The following SLC7A6 variants were observed in gnomAD, a reference collection of about 807,000 sequenced individuals.
SLC7A6 encodes Y+L amino acid transporter 2.
Under a neutral mutation model 46.6 loss-of-function variants are expected in SLC7A6, and 29 were observed. The observed-to-expected ratio is 0.62, with a 90% CI of 0.46 to 0.85. The LOEUF (loss-of-function observed/expected upper bound fraction) is 0.85, where lower values mean the gene tolerates loss of function less well. SLC7A6 is among the 40% of genes least tolerant of loss of function. The pLI is 0.00. For synonymous variants in SLC7A6, 276 were observed against 257.3 expected (o/e 1.07, Z -0.70); for missense variants, 527 against 647.6 (o/e 0.81, Z 2.02).
In SLC7A6 at chr16:68,297,512, C is replaced by A; in HGVS notation, c.*184C>A. ...GGAGACTCAGGATCTGGGCCAACCT[C>A]AAGGTGGGGGCTTCAGAGGGTGGGG... is the stretch of plus-strand genomic sequence containing the variant. On this transcript the variant is annotated 3_prime_UTR_variant, in exon 11 of 11. Coordinates refer to ENST00000219343, the MANE Select transcript of SLC7A6 (RefSeq NM_003983.6). 12 of 374,878 alleles carry A rather than the reference C, an allele frequency of 3.2e-5. No individual in the cohort carries two copies. The highest frequency in any genetic ancestry group is 8.4e-5 in the South Asian group (1 of 11,902). 23.2% of individuals were successfully genotyped at this position (374,878 alleles called of 1,614,324 possible).
intron 1 of SLC7A6, among the ~76,000 whole-genome samples, chr16:68,265,309 T>C (rs921581859): frequency 2.0e-5 from 3 of 152,178 alleles, no homozygotes; most frequent in African/African-American, 7.2e-5. Flanking sequence ...TGTGGGGAGA[T>C]AGACGTGAAA....
At position 68,291,845 on chromosome 16, in the gene SLC7A6, G is replaced by A. The variant is rs2043060755; in HGVS notation, c.1022+184G>A. ...TTGCCTTTGTGCAAGTAGCACATTT[G>A]TATGCTGGTAGCTCATGTTTCCATC... On this transcript the variant is annotated intron_variant, in intron 7 of 10. Transcript: ENST00000219343. 7 of 567,018 alleles carry A rather than the reference G, an allele frequency of 1.2e-5. No homozygotes were observed. The East Asian group carries it at 2.1e-4, about 17-fold the overall frequency. 35.1% of individuals were successfully genotyped at this position (567,018 alleles called of 1,614,324 possible).
Position 68,290,390 on chromosome 16 carries a change from C to G in SLC7A6, c.650-6C>G. 2 of 1,613,960 alleles carry G rather than the reference C, an allele frequency of 1.2e-6. No homozygotes were observed. Among genetic ancestry groups the G allele is most frequent in the Non-Finnish European group, 1.7e-6 (2 of 1,180,004 alleles). On this transcript the variant is annotated splice_region_variant and splice_polypyrimidine_tract_variant and intron_variant, in intron 4 of 10. Transcript: ENST00000219343. Reference sequence around the variant, plus strand: ...CTGAACCCCTCACCTGCCTTTGCCCCCACAGGACACTCTGAGCACTTTCAG... The same window carrying G: ...CTGAACCCCTCACCTGCCTTTGCCCGCACAGGACACTCTGAGCACTTTCAG...
chr16:68,276,602 T>C (rs917229436), intron 3 of SLC7A6, among the ~76,000 whole-genome samples: 2 of 152,160 alleles, frequency 1.3e-5, no homozygotes, highest in African/African-American at 4.8e-5. Flanking sequence ...CCCTTAGGAT[T>C]AGGGAAGGCG....
chr16:68,292,281 G>C (rs1597005110), intron 7 of SLC7A6: 1 of 152,256 alleles, frequency 6.6e-6, no homozygotes, highest in South Asian at 2.1e-4. Flanking sequence ...AAGCGTGCTG[G>C]TCCTTCCTGT....
At position 68,290,499 on chromosome 16, in the gene SLC7A6, C is replaced by T. The variant is rs2151228550; in HGVS notation, c.753C>T (p.Asp251=). 1 of 1,614,182 alleles carries T rather than the reference C, an allele frequency of 6.2e-7. No individual in the cohort carries two copies. Among genetic ancestry groups the T allele is most frequent in the Non-Finnish European group, 8.5e-7 (1 of 1,180,042 alleles). The change falls in exon 5 of 11, where the codon GAC becomes GAT. Residue 251 remains aspartate (D), a synonymous_variant. Transcript: ENST00000219343. ...CCCTCTTCTCTTACTCAGGTTGGGA[C>T]ACCCTTAATTTTGTAACAGAAGAAA... is the stretch of plus-strand genomic sequence containing the variant. ...YSALFSYSGW[D]TLNFVTEEIK... is the part of the protein sequence containing the mutation.
At chr16:68,294,572 G>T in intron 7 of SLC7A6, 133 bp from the exon 8 acceptor site, 2 of 697,856 alleles carry the variant, frequency 2.9e-6, no homozygotes. Context: ...ATGCACTAAG[G>T]ACCTGGGATG....
chr16:68,265,691 T>C (rs1216414536), intron 1 of SLC7A6: 3 of 152,224 alleles, frequency 2.0e-5, no homozygotes, highest in Admixed American at 2.0e-4. Context: ...GTCCCATGTG[T>C]GCTGCGCAGA....
chr16:68,296,841 G>A, intron 10 of SLC7A6, 31 bp downstream of exon 10: 1 of 1,611,166 alleles, frequency 6.2e-7, no homozygotes, highest in Non-Finnish European at 8.5e-7. Flanking sequence ...TTACTCACTG[G>A]CGGCTATGTG....
At position 68,300,668 on chromosome 16, in the gene SLC7A6, T is replaced by A. The variant is rs1388355249; in HGVS notation, c.*3340T>A. The stretch of plus-strand genomic sequence containing the variant: ...ACACATGTATCACATTCATATATAT[T>A]GTTTCTTGGCCCCACTGCCAAAGGA... On this transcript the variant is annotated 3_prime_UTR_variant, in exon 11 of 11. Transcript: ENST00000219343. 3.0e-6 allele frequency: 3 copies of A among 985,358 alleles called. No homozygotes were observed. The highest frequency in any genetic ancestry group is 2.3e-4 in the East Asian group (2 of 8,834). 61.0% of individuals were successfully genotyped at this position (985,358 alleles called of 1,614,324 possible).
At chr16:68,287,403 G>A (rs1596996776) in intron 3 of SLC7A6, 1 of 1,307,166 alleles carries the variant, frequency 7.7e-7, no homozygotes, top group African/African-American at 1.5e-5. Flanking sequence ...TGTCTCCTGT[G>A]GTTTGGAACC....
intron 7 of SLC7A6, 101 bp downstream of exon 7, chr16:68,291,762 G>GGGGTGT (rs370678371): frequency 2.0e-4 from 110 of 547,994 alleles, no homozygotes; most frequent in African/African-American, 3.4e-4. Flanking sequence ...GGGCATATAG[G>GGGGTGT]GTGTGTGTGT....
In SLC7A6 at chr16:68,291,801, T is replaced by TGTGTGTGTG. The variant is rs1555532343; in HGVS notation, c.1022+140_1022+141insGTGTGTGTG. ...TGTGTGTGTGTGTGTGTGTGTGTGT[T>TGTGTGTGTG]TGGTATGTGGGCATGTACTTGCCTT... On this transcript the variant is annotated intron_variant, in intron 7 of 10. Coordinates refer to ENST00000219343, the MANE Select transcript of SLC7A6 (RefSeq NM_003983.6). 1.3e-4 allele frequency: 39 copies of TGTGTGTGTG among 310,460 alleles called. No homozygotes were observed. In the Middle Eastern group the frequency reaches 1.6e-3, roughly 13 times the overall value. The allele number at this position is 310,460 out of a possible 1,614,324, so 19.2% of individuals were successfully genotyped here.
intron 2 of SLC7A6, among the ~76,000 whole-genome samples, chr16:68,268,325 G>C (rs917789466): frequency 6.6e-6 from 1 of 152,202 alleles, no homozygotes; most frequent in Non-Finnish European, 1.5e-5. Flanking sequence ...CACTCAGCTG[G>C]TGTCCCTGGG....
intron 3 of SLC7A6, among the ~76,000 whole-genome samples, chr16:68,285,936 AT>A (rs954683420): frequency 4.6e-5 from 7 of 150,740 alleles, no homozygotes; most frequent in African/African-American, 9.7e-5. Flanking sequence ...CTACAAAATA[AT>A]TTTTTTTTAA....
intron 3 of SLC7A6, among the ~76,000 whole-genome samples, chr16:68,286,530 T>G (rs893368901): frequency 1.3e-5 from 2 of 152,120 alleles, no homozygotes; most frequent in African/African-American, 4.8e-5. Context: ...CAAAAGATTT[T>G]GTAGTAAGAT....
chr16:68,266,065 C>T (rs2042527436), intron 1 of SLC7A6, among the ~76,000 whole-genome samples: 3 of 151,982 alleles, frequency 2.0e-5, no homozygotes. Flanking sequence ...TCGAGACCAT[C>T]CTGGCTAACA....
In SLC7A6 at chr16:68,301,356, TCTG is replaced by T. The variant is rs1567601222; in HGVS notation, c.*4036_*4038del. ...GAGGGTACTTGCTCCACATCCGCTGTCTGCTGCTGCCTCTTTCCTCCTCACTCA... is the reference window on the plus strand; with the variant it reads ...GAGGGTACTTGCTCCACATCCGCTGTCTGCTGCCTCTTTCCTCCTCACTCA... On this transcript the variant is annotated 3_prime_UTR_variant, in exon 11 of 11. Coordinates refer to ENST00000219343, the MANE Select transcript of SLC7A6 (RefSeq NM_003983.6). 1 of 1,614,184 alleles carries T rather than the reference TCTG, an allele frequency of 6.2e-7. No individual in the cohort carries two copies.
chr16:68,291,650 T>C lies in SLC7A6; in HGVS notation c.1011T>C (p.Phe337=), dbSNP rs1485744802. 6.2e-6 allele frequency: 10 copies of C among 1,613,918 alleles called. No homozygotes were observed. The highest frequency in any genetic ancestry group is 5.0e-5 in the Admixed American group (3 of 60,002). The change falls in exon 7 of 11, where the codon TTT becomes TTC. Residue 337 remains phenylalanine, a synonymous_variant. Coordinates refer to ENST00000219343, the MANE Select transcript of SLC7A6 (RefSeq NM_003983.6). Reference sequence around the variant, plus strand: ...TTGGGGGCCTCAATGCATCCATCTTTGCTTCATCAAGGTACTGTGTCTCTG... The same window carrying C: ...TTGGGGGCCTCAATGCATCCATCTTCGCTTCATCAAGGTACTGTGTCTCTG... ...SCFGGLNASI[F]ASSRLFFVGS...
Sources: gnomAD v4.1 joint callset for allele counts (sites outside exome capture counted in the v4.1 genomes callset) on GRCh38, gnomAD v4.1.1 for gene constraint, MANE v1.5 for transcripts, NCBI Gene and HGNC (gene_info 2026-07-23, HGNC 2026-07-21) for gene names.